MESD: variants seen among roughly 807,000 people sequenced by gnomAD.
The protein encoded by MESD is mesoderm development LRP chaperone.
MESD carries 7 observed loss-of-function variants against 12.9 expected under a neutral mutation model. The observed-to-expected ratio is 0.54, with a 90% CI of 0.31 to 1.02. The LOEUF (loss-of-function observed/expected upper bound fraction) is 1.02. Among genes scored for constraint, MESD ranks in the 50% least tolerant of loss-of-function variants. The pLI, the probability that MESD is intolerant of heterozygous loss-of-function variation, is 0.05. For synonymous variants in MESD, 126 were observed against 115.6 expected (o/e 1.09, Z -0.58); for missense variants, 342 against 296.7 (o/e 1.15, Z -1.12).
intron 3 of MESD, among the ~76,000 whole-genome samples, chr15:80,963,904 CT>C (rs1483867561): frequency 1.3e-5 from 2 of 152,168 alleles, no homozygotes; most frequent in African/African-American, 4.8e-5. Context: ...AGCATTCCCT[CT>C]GAAAACTGGC....
intron 2 of MESD, among the ~76,000 whole-genome samples, chr15:80,980,346 T>C (rs577083415): frequency 1.3e-5 from 2 of 152,218 alleles, no homozygotes; most frequent in Non-Finnish European, 2.9e-5. Context: ...CAGAACTGTT[T>C]TTGAGGAAAA....
chr15:80,955,434 G>A (rs1287905396), intron 3 of MESD, among the ~76,000 whole-genome samples: 1 of 143,312 alleles, frequency 7.0e-6, no homozygotes, highest in East Asian at 2.2e-4. Context: ...AGCTTGCAGT[G>A]AGCCGAGATT....
intron 3 of MESD, among the ~76,000 whole-genome samples, chr15:80,954,728 G>A (rs927192254): frequency 6.6e-6 from 1 of 152,248 alleles, no homozygotes; most frequent in Admixed American, 6.5e-5. Flanking sequence ...AGCTTTGAAA[G>A]CTATAAAGCA....
At position 80,979,360 on chromosome 15, in the gene MESD, C is replaced by T. The variant is rs1345032240; in HGVS notation, c.564G>A (p.Gln188=). The change falls in exon 3 of 3, where the codon CAG becomes CAA. Residue 188 remains glutamine (Q), a synonymous_variant. Coordinates refer to ENST00000261758, the MANE Select transcript of MESD (RefSeq NM_015154.3). ...DRCADVTLEG[Q]VYPGKGGGSK... is the part of the protein sequence containing the mutation. Reference sequence around the variant, plus strand: ...TTCCTCCTCCTTTGCCGGGGTACACCTGGCCCTCCAGAGTTACATCAGCAC... The same window carrying T: ...TTCCTCCTCCTTTGCCGGGGTACACTTGGCCCTCCAGAGTTACATCAGCAC... The T allele has an allele frequency of 6.2e-7, 1 of 1,614,130 alleles. No homozygotes were observed.
At chr15:80,964,533 G>C (rs191304820) in intron 3 of MESD, among the ~76,000 whole-genome samples, 121 of 152,272 alleles carry the variant, frequency 7.9e-4, no homozygotes, top group Admixed American at 2.3e-3. Flanking sequence ...AAAGAACAAA[G>C]CTGGAGGCAT....
At chr15:80,985,686 C>T (rs1370332389) in intron 1 of MESD, among the ~76,000 whole-genome samples, 5 of 126,094 alleles carry the variant, frequency 4.0e-5, no homozygotes, top group Non-Finnish European at 7.9e-5. Context: ...TACTCTATTA[C>T]CCAGTTTGGA....
downstream of MESD, chr15:80,946,621 G>A (rs941141912): frequency 1.7e-5 from 5 of 296,446 alleles, no homozygotes; most frequent in South Asian, 7.8e-5. Flanking sequence ...GATACATATC[G>A]AAGTCCTACT....
chr15:80,978,401 A>T lies in MESD; in HGVS notation c.*818T>A, dbSNP rs1902478002. On this transcript the variant is annotated 3_prime_UTR_variant, in exon 3 of 3. Coordinates refer to ENST00000261758, the MANE Select transcript of MESD (RefSeq NM_015154.3). ...AAGCACAGATTTAGGCACTTTATCAAAGAAAAATGTTTAGAAACAAATGAG... is the reference window on the plus strand; with the variant it reads ...AAGCACAGATTTAGGCACTTTATCATAGAAAAATGTTTAGAAACAAATGAG... 1 of 152,228 alleles carries T rather than the reference A, an allele frequency of 6.6e-6. No homozygotes were observed. The highest frequency in any genetic ancestry group is 6.5e-5 in the Admixed American group (1 of 15,284). 9.4% of individuals were successfully genotyped at this position (152,228 alleles called of 1,614,324 possible).
At chr15:80,965,105 A>C (rs1432452644) in intron 3 of MESD, among the ~76,000 whole-genome samples, 2 of 152,264 alleles carry the variant, frequency 1.3e-5, no homozygotes, top group African/African-American at 2.4e-5. Flanking sequence ...AAACAAATTT[A>C]CAAGAAAAAA....
chr15:80,989,591 C>T lies in MESD; in HGVS notation c.201G>A (p.Leu67=), dbSNP rs749340585. The T allele has an allele frequency of 6.2e-7, 1 of 1,613,414 alleles. No homozygotes were observed. The highest frequency in any genetic ancestry group is 1.1e-5 in the South Asian group (1 of 91,070). Reference sequence around the variant, plus strand: ...GCGCGCCGCGGACCTCCCATTGCTCCAGAAGACGCGCCATGTCTGCATCAT... The same window carrying T: ...GCGCGCCGCGGACCTCCCATTGCTCTAGAAGACGCGCCATGTCTGCATCAT... The part of the protein sequence containing the change: ...DYNDADMARL[L]EQWEKDDDIE... The change falls in exon 1 of 3, where the codon CTG becomes CTA. Residue 67 remains leucine, a synonymous_variant. Coordinates refer to ENST00000261758, the MANE Select transcript of MESD (RefSeq NM_015154.3).
At position 80,967,921 on chromosome 15, in the gene MESD, T is replaced by C. The variant is rs893006605; in HGVS notation, c.*288+11010A>G. On this transcript the variant is annotated intron_variant, in intron 3 of 4. Transcript: ENST00000561312. ...GTTTAAGCTGATTCAACAAGATCTATGGAGAGTTGGCCAAGTGGCCCCAAC... is the reference window on the plus strand; with the variant it reads ...GTTTAAGCTGATTCAACAAGATCTACGGAGAGTTGGCCAAGTGGCCCCAAC... Among the ~76,000 whole-genome samples the C allele has an allele frequency of 2.6e-5, 4 of 152,374 alleles. No individual in the cohort carries two copies. In the East Asian group the frequency reaches 5.8e-4, roughly 22 times the overall value.
At position 80,977,160 on chromosome 15, in the gene MESD, A is replaced by C. The variant is rs1250111997; in HGVS notation, c.*2059T>G. ...ACTTCTAGCCACAGGGTCTTAGCTC[A>C]GACTGTTTCCTCTGCCTGCCTTACT... On this transcript the variant is annotated 3_prime_UTR_variant, in exon 3 of 3. Transcript: ENST00000261758. 2.6e-5 allele frequency: 4 copies of C among 153,150 alleles called. No homozygotes were observed. The highest frequency in any genetic ancestry group is 2.0e-4 in the Admixed American group (3 of 15,286). The allele number at this position is 153,150 out of a possible 1,614,324, so 9.5% of individuals were successfully genotyped here. A position where few individuals can be genotyped will look rare whatever the true frequency, so the allele number is the denominator to read the frequency against.
chr15:80,962,562 T>C (rs1385905294), intron 3 of MESD, among the ~76,000 whole-genome samples: 1 of 152,190 alleles, frequency 6.6e-6, no homozygotes, highest in Non-Finnish European at 1.5e-5. Context: ...ATCACACTTA[T>C]TCTAAAATTG....
At chr15:80,952,815 T>C in intron 3 of MESD, 1 of 365,988 alleles carries the variant, frequency 2.7e-6, no homozygotes, top group Non-Finnish European at 5.4e-6. Flanking sequence ...CAGGAAACTT[T>C]GCCAGGAGAA....
rs137915800 is a variant in MESD, at chr15:80,986,959, C to T, written c.213+2620G>A. The stretch of plus-strand genomic sequence containing the variant: ...ATCCTACCCGGTTCCATTTAATATA[C>T]AAGGAAGATGATGTTCAGAGAGGAT... On this transcript the variant is annotated intron_variant, in intron 1 of 2. Transcript: ENST00000261758. 8.2e-3 allele frequency among the ~76,000 whole-genome samples: 1,256 copies of T among 152,306 alleles called. 13 individuals carry two copies. The highest frequency in any genetic ancestry group is 0.034 in the Middle Eastern group (10 of 294).
chr15:80,970,940 C>T (rs186335384), downstream of MESD, among the ~76,000 whole-genome samples: 346 of 152,038 alleles, frequency 2.3e-3, 3 homozygotes, highest in African/African-American at 7.8e-3. Flanking sequence ...CACCTGGGGG[C>T]GGGGTGGAGG....
chr15:80,978,994 T>C lies in MESD; in HGVS notation c.*225A>G, dbSNP rs939609330. 7 of 581,066 alleles carry C rather than the reference T, an allele frequency of 1.2e-5. No individual in the cohort carries two copies. The highest frequency in any genetic ancestry group is 2.5e-5 in the South Asian group (1 of 39,634). 36.0% of individuals were successfully genotyped at this position (581,066 alleles called of 1,614,324 possible). ...ATGTAAGGAGATTTTATAGTAAACA[T>C]GAATTTGTCAGTGTCCAGTATTAAT... On this transcript the variant is annotated 3_prime_UTR_variant, in exon 3 of 3. Transcript: ENST00000261758.
In MESD at chr15:80,979,222, C is replaced by A. The variant is rs776457821; in HGVS notation, c.702G>T (p.Leu234=). ...ACAGCGCGTCACTGCTGCCCCATCACAGGTCTTCTCTTTTATTCCCAGCTC... is the reference window on the plus strand; with the variant it reads ...ACAGCGCGTCACTGCTGCCCCATCAAAGGTCTTCTCTTTTATTCCCAGCTC... ...ENRAGNKRED[L] The change falls in exon 3 of 3, where the codon CTG becomes CTT. Residue 234 remains leucine (L), a synonymous_variant. Transcript: ENST00000261758. The A allele has an allele frequency of 2.0e-5, 33 of 1,612,986 alleles. No homozygotes were observed. The highest frequency in any genetic ancestry group is 2.8e-5 in the Non-Finnish European group (33 of 1,179,634).
At chr15:80,949,640 G>A (rs746348318) in intron 4 of MESD, 1 of 158,490 alleles carries the variant, frequency 6.3e-6, no homozygotes, top group Non-Finnish European at 1.4e-5. Context: ...CATGATGCTG[G>A]GTGCCCCAGC....
Sources: allele counts gnomAD v4.1 joint callset (sites outside exome capture counted in the v4.1 genomes callset), GRCh38; gene constraint gnomAD v4.1.1; transcripts MANE v1.5; gene names NCBI Gene and HGNC (gene_info 2026-07-23, HGNC 2026-07-21).